ATG2B: variants seen among roughly 807,000 people sequenced by gnomAD.
ATG2B encodes autophagy-related protein 2 homolog B.
A neutral mutation model predicts 241.3 loss-of-function variants in ATG2B; 121 were observed. That is an observed-to-expected ratio of 0.50 (90% confidence interval 0.43 to 0.58). The LOEUF (loss-of-function observed/expected upper bound fraction) is 0.58. Among genes scored for constraint, ATG2B ranks in the 20% least tolerant of loss-of-function variants. The pLI is 0.00. For missense variants in ATG2B, 2,306 were observed against 2,491.6 expected (o/e 0.93, Z 1.59); for synonymous variants, 858 against 876.6 (o/e 0.98, Z 0.37).
chr14:96,328,995 G>T (rs1341823862), intron 12 of ATG2B, among the ~76,000 whole-genome samples: 3 of 152,064 alleles, frequency 2.0e-5, no homozygotes, highest in African/African-American at 4.8e-5. Flanking sequence ...AAGTGTTTTT[G>T]AAATAAAACA....
chr14:96,291,039 G>A (rs1886470289), intron 38 of ATG2B, 104 bp from the exon 39 acceptor site: 6 of 971,160 alleles, frequency 6.2e-6, no homozygotes, highest in South Asian at 1.9e-5. Flanking sequence ...CAAATTATAA[G>A]GGCAAATATT....
At position 96,311,192 on chromosome 14, in the gene ATG2B, G is replaced by A. The variant is rs776354817; in HGVS notation, c.4086C>T (p.Tyr1362=). 3 of 1,613,892 alleles carry A rather than the reference G, an allele frequency of 1.9e-6. No individual in the cohort carries two copies. Among genetic ancestry groups the A allele is most frequent in the Non-Finnish European group, 2.5e-6 (3 of 1,179,924 alleles). ...TCTGCAAGTCACCATAGCTTGCAATGTACTGAATGAGATTCATTAACGCAG... is the reference window on the plus strand; with the variant it reads ...TCTGCAAGTCACCATAGCTTGCAATATACTGAATGAGATTCATTAACGCAG... ...SCAALMNLIQ[Y]IASYGDLQTP... Residue 1362 remains tyrosine (Y), a synonymous_variant, in exon 28 of 42, where the codon TAC becomes TAT. Coordinates refer to ENST00000359933, the MANE Select transcript of ATG2B (RefSeq NM_018036.7).
intron 33 of ATG2B, 63 bp downstream of exon 33, chr14:96,302,998 G>C (rs1397996393): frequency 7.9e-7 from 1 of 1,266,852 alleles, no homozygotes; most frequent in Non-Finnish European, 1.1e-6. Flanking sequence ...CTCTCCTGAA[G>C]TTAGATATAA....
At chr14:96,317,002 T>C in intron 20 of ATG2B, 143 bp downstream of exon 20, 2 of 804,520 alleles carry the variant, frequency 2.5e-6, no homozygotes, top group South Asian at 3.9e-5. Flanking sequence ...GCTATCATCA[T>C]GGTTTGCCCC....
intron 7 of ATG2B, 55 bp downstream of exon 7, chr14:96,334,350 G>T: frequency 8.5e-7 from 1 of 1,181,044 alleles, no homozygotes; most frequent in Non-Finnish European, 1.2e-6. Context: ...ATATTTTAAA[G>T]TTTTTTAAAA....
At chr14:96,344,210 A>G (rs1888114832) in intron 4 of ATG2B, among the ~76,000 whole-genome samples, 1 of 152,226 alleles carries the variant, frequency 6.6e-6, no homozygotes, top group Non-Finnish European at 1.5e-5. Flanking sequence ...AATAATCCGT[A>G]GAGGATCCTC....
At position 96,362,718 on chromosome 14, in the gene ATG2B, A is replaced by G; in HGVS notation, c.162+97T>C. On this transcript the variant is annotated intron_variant, in intron 1 of 41. Coordinates refer to ENST00000359933, the MANE Select transcript of ATG2B (RefSeq NM_018036.7). The stretch of plus-strand genomic sequence containing the variant: ...CACACTCGGGTCCAAACAATTCCCA[A>G]GGAGGGACTGACTGTCACCAATCTT... The G allele has an allele frequency of 3.2e-6, 4 of 1,262,612 alleles. No homozygotes were observed. The East Asian group carries it at 9.4e-5, about 30-fold the overall frequency. The allele number at this position is 1,262,612 out of a possible 1,614,324, so 78.2% of individuals were successfully genotyped here.
At chr14:96,326,032 A>ATTCATC in intron 14 of ATG2B, 110 bp from the exon 15 acceptor site, 1 of 1,077,176 alleles carries the variant, frequency 9.3e-7, no homozygotes. Context: ...ATTTGGTATA[A>ATTCATC]TGCATTAAAA....
At chr14:96,333,539 A>C in intron 8 of ATG2B, 149 bp downstream of exon 8, 1 of 691,588 alleles carries the variant, frequency 1.4e-6, no homozygotes, top group Admixed American at 3.1e-5. Context: ...TGATTAGATT[A>C]ATCGTAAATT....
At chr14:96,302,541 A>G (rs1886820701) in intron 33 of ATG2B, among the ~76,000 whole-genome samples, 1 of 152,002 alleles carries the variant, frequency 6.6e-6, no homozygotes, top group Non-Finnish European at 1.5e-5. Context: ...TACAATCTGC[A>G]CTCCAGCCTG....
intron 3 of ATG2B, 113 bp downstream of exon 3, chr14:96,345,120 A>G (rs1888137659): frequency 1.3e-6 from 1 of 744,622 alleles, no homozygotes; most frequent in East Asian, 2.8e-5. Flanking sequence ...TGGGAACAGT[A>G]ATTCTTTTAA....
chr14:96,313,001 G>T, intron 25 of ATG2B, 64 bp downstream of exon 25: 1 of 1,019,112 alleles, frequency 9.8e-7, no homozygotes, highest in Non-Finnish European at 1.5e-6. Flanking sequence ...AATGGTTTAG[G>T]TAAATATCAA....
intron 34 of ATG2B, among the ~76,000 whole-genome samples, chr14:96,301,090 T>C (rs1365584354): frequency 1.3e-5 from 2 of 152,268 alleles, no homozygotes; most frequent in Non-Finnish European, 1.5e-5. Flanking sequence ...ATTTATGTTC[T>C]GCAATTATCA....
chr14:96,296,714 T>C (rs895429869), intron 34 of ATG2B, among the ~76,000 whole-genome samples: 2 of 147,194 alleles, frequency 1.4e-5, no homozygotes, highest in African/African-American at 2.5e-5. Flanking sequence ...TGAGCAGAGA[T>C]CACGCCATTG....
intron 16 of ATG2B, 124 bp downstream of exon 16, chr14:96,323,772 T>C: frequency 1.4e-6 from 1 of 722,242 alleles, no homozygotes; most frequent in Non-Finnish European, 2.4e-6. Flanking sequence ...ATCACGCTTA[T>C]GAACCACAAA....
intron 29 of ATG2B, among the ~76,000 whole-genome samples, chr14:96,307,587 T>C (rs1886987491): frequency 6.6e-6 from 1 of 152,150 alleles, no homozygotes; most frequent in African/African-American, 2.4e-5. Flanking sequence ...TTGACAATTC[T>C]GTCCTATAGG....
Position 96,325,640 on chromosome 14 carries a change from C to T in ATG2B, c.2437+9G>A. The T allele has an allele frequency of 6.2e-7, 1 of 1,606,232 alleles. No homozygotes were observed. The highest frequency in any genetic ancestry group is 2.2e-5 in the East Asian group (1 of 44,808). On this transcript the variant is annotated intron_variant, in intron 15 of 41. Transcript: ENST00000359933. ...AGGATGGTTCTTTTACAGGCACATT[C>T]AATCTTACCAATTAGTTCTCTAAAG...
rs976260757 is a variant in ATG2B, at chr14:96,280,917, C to G, written c.*4838G>C. ...ATAAATAAAATAAAAATAAGTATGT[C>G]TTTTAAATATTCCCTTCATAAGTAA... On this transcript the variant is annotated 3_prime_UTR_variant, in exon 42 of 42. Transcript: ENST00000359933. 6.6e-6 allele frequency: 1 copy of G among 152,160 alleles called. No homozygotes were observed. The highest frequency in any genetic ancestry group is 1.5e-5 in the Non-Finnish European group (1 of 68,036). 9.4% of individuals were successfully genotyped at this position (152,160 alleles called of 1,614,324 possible).
rs747393188 is a variant in ATG2B, at chr14:96,317,159, A to T, written c.3196T>A (p.Phe1066Ile). ...GTAAACCTCACCTTCACATCTGTGA[A>T]CACTGCTATTAATCCATGATTAATA... ...LNINHGLIAV[F>I]TDVKQDNGDL... The change falls in exon 20 of 42, where the codon TTC becomes ATC. Residue 1066 changes from phenylalanine to isoleucine, a missense_variant. Transcript: ENST00000359933. 1.9e-6 allele frequency: 3 copies of T among 1,611,266 alleles called. No individual in the cohort carries two copies. The highest frequency in any genetic ancestry group is 2.5e-6 in the Non-Finnish European group (3 of 1,178,882).
Sources: allele counts gnomAD v4.1 joint callset (sites outside exome capture counted in the v4.1 genomes callset), GRCh38; gene constraint gnomAD v4.1.1; transcripts MANE v1.5; gene names NCBI Gene and HGNC (gene_info 2026-07-23, HGNC 2026-07-21).